The following ERO1B variants were observed in gnomAD, a reference collection of about 807,000 sequenced individuals.
ERO1B encodes the protein ERO1-like protein beta.
Under a neutral mutation model 75.3 loss-of-function variants are expected in ERO1B, and 49 were observed. The observed-to-expected ratio is 0.65, with a 90% CI of 0.52 to 0.83. ERO1B has a LOEUF of 0.83. Among genes scored for constraint, ERO1B ranks in the 40% least tolerant of loss-of-function variants. The probability of loss-of-function intolerance (pLI) is 0.00; values close to 1 mark genes in which losing one functional copy is unlikely to be tolerated. For synonymous variants in ERO1B, 191 were observed against 192.9 expected (o/e 0.99, Z 0.08); for missense variants, 512 against 560.1 (o/e 0.91, Z 0.87).
rs146231818 is a variant in ERO1B, at chr1:236,232,566, T to C, written c.685+262A>G. On this transcript the variant is annotated intron_variant, in intron 9 of 15. Transcript: ENST00000354619. ...CCTCAGGACATATTCAAGTAAATTA[T>C]ATAATAACCAGAAAATGGGGAACTT... is the stretch of plus-strand genomic sequence containing the variant. Among the ~76,000 whole-genome samples the C allele has an allele frequency of 6.2e-3, 947 of 152,168 alleles. 8 individuals are homozygous for C. Among genetic ancestry groups the C allele is most frequent in the African/African-American group, 0.022 (907 of 41,504 alleles).
At chr1:236,243,523 A>C in intron 5 of ERO1B, 28 bp from the exon 6 acceptor site, 1 of 1,495,672 alleles carries the variant, frequency 6.7e-7, no homozygotes, top group South Asian at 1.2e-5. Flanking sequence ...AAAAAAGAAA[A>C]ATTATTAAAT....
intron 7 of ERO1B, 55 bp downstream of exon 7, chr1:236,236,223 G>A (rs549971609): frequency 1.8e-5 from 29 of 1,606,034 alleles, no homozygotes; most frequent in South Asian, 6.6e-5. Flanking sequence ...CACAGCACCC[G>A]GCCTCTCCCG....
At chr1:236,257,615 A>T (rs1665189204) in intron 2 of ERO1B, among the ~76,000 whole-genome samples, 1 of 151,654 alleles carries the variant, frequency 6.6e-6, no homozygotes, top group Admixed American at 6.6e-5. Flanking sequence ...ACTGAAAGGA[A>T]GATATGTGAT....
intron 2 of ERO1B, among the ~76,000 whole-genome samples, chr1:236,258,819 G>GA (rs1444896453): frequency 2.6e-5 from 4 of 152,160 alleles, no homozygotes; most frequent in African/African-American, 9.7e-5. Flanking sequence ...AACTTGGGAG[G>GA]CGGACGTTGC....
intron 8 of ERO1B, among the ~76,000 whole-genome samples, chr1:236,234,400 G>A (rs1203967351): frequency 1.3e-5 from 2 of 152,214 alleles, no homozygotes; most frequent in African/African-American, 4.8e-5. Context: ...TGTAGAAAAG[G>A]TCTGGAAGAA....
At chr1:236,230,124 T>C (rs1664367790) in intron 10 of ERO1B, 100 bp downstream of exon 10, 9 of 880,780 alleles carry the variant, frequency 1.0e-5, no homozygotes, top group Non-Finnish European at 1.6e-5. Flanking sequence ...CTGTCAAAAT[T>C]AGTTGACTAG....
intron 2 of ERO1B, among the ~76,000 whole-genome samples, chr1:236,268,310 G>A (rs915554417): frequency 1.3e-5 from 2 of 152,038 alleles, no homozygotes; most frequent in African/African-American, 4.8e-5. Flanking sequence ...CGTGGTGGTG[G>A]GCGCCTGTAA....
At chr1:236,228,873 C>G (rs1664335532) in intron 10 of ERO1B, among the ~76,000 whole-genome samples, 1 of 152,162 alleles carries the variant, frequency 6.6e-6, no homozygotes, top group Admixed American at 6.5e-5. Context: ...AACAGTAAGA[C>G]TGGAAGAATG....
chr1:236,274,140 T>A (rs976854681), intron 1 of ERO1B, among the ~76,000 whole-genome samples: 6 of 152,020 alleles, frequency 3.9e-5, no homozygotes, highest in African/African-American at 1.4e-4. Flanking sequence ...CATGCCACCA[T>A]GCCCAGCTAA....
intron 1 of ERO1B, among the ~76,000 whole-genome samples, chr1:236,277,403 C>T (rs982326285): frequency 1.4e-5 from 2 of 143,986 alleles, no homozygotes; most frequent in Non-Finnish European, 3.0e-5. Flanking sequence ...GACTCTACTC[C>T]AGGAAAAAAA....
chr1:236,277,347 T>C (rs1161712231), intron 1 of ERO1B, among the ~76,000 whole-genome samples: 2 of 148,148 alleles, frequency 1.3e-5, no homozygotes, highest in Non-Finnish European at 3.0e-5. Context: ...GAGGTTGCAG[T>C]GAACTGAGAT....
At chr1:236,268,682 C>A (rs552892169) in intron 2 of ERO1B, among the ~76,000 whole-genome samples, 65 of 150,854 alleles carry the variant, frequency 4.3e-4, no homozygotes, top group African/African-American at 1.5e-3. Context: ...GTCAGGAGAT[C>A]AAGACCATCC....
At chr1:236,249,848 G>A (rs1435464830) in intron 5 of ERO1B, 37 bp downstream of exon 5, 1 of 1,412,724 alleles carries the variant, frequency 7.1e-7, no homozygotes, top group Non-Finnish European at 9.7e-7. Context: ...TGATATCAAT[G>A]AGAATATTTT....
At chr1:236,229,103 T>C (rs939064511) in intron 10 of ERO1B, among the ~76,000 whole-genome samples, 7 of 152,186 alleles carry the variant, frequency 4.6e-5, no homozygotes, top group African/African-American at 1.7e-4. Flanking sequence ...ACCTTAATAA[T>C]GGCCAACATA....
At chr1:236,220,763 A>G in intron 15 of ERO1B, 69 bp downstream of exon 15, 2 of 1,424,126 alleles carry the variant, frequency 1.4e-6, no homozygotes, top group South Asian at 3.6e-5. Context: ...TTTAGCAAAG[A>G]AGATTATCTT....
At chr1:236,276,879 T>C (rs931814538) in intron 1 of ERO1B, among the ~76,000 whole-genome samples, 12 of 152,150 alleles carry the variant, frequency 7.9e-5, no homozygotes, top group African/African-American at 2.4e-4. Context: ...TAATCCCCAG[T>C]GTTGGGGAGG....
At chr1:236,243,291 T>C (rs1664758528) in intron 6 of ERO1B, 131 bp downstream of exon 6, 1 of 558,578 alleles carries the variant, frequency 1.8e-6, no homozygotes, top group African/African-American at 2.0e-5. Context: ...TAAATGCCAT[T>C]ATGAATAATA....
chr1:236,263,206 C>T (rs1045402157), intron 2 of ERO1B, among the ~76,000 whole-genome samples: 3 of 152,008 alleles, frequency 2.0e-5, no homozygotes, highest in Admixed American at 6.6e-5. Flanking sequence ...CCTGTGACAA[C>T]TTGTCTAGCT....
Position 236,216,189 on chromosome 1 carries a change from G to A in ERO1B, c.*2327C>T, listed in dbSNP as rs1182992827. The A allele has an allele frequency of 6.6e-6, 1 of 152,060 alleles. No homozygotes were observed. Among genetic ancestry groups the A allele is most frequent in the Non-Finnish European group, 1.5e-5 (1 of 67,988 alleles). The allele number at this position is 152,060 out of a possible 1,614,324, so 9.4% of individuals were successfully genotyped here. On this transcript the variant is annotated 3_prime_UTR_variant, in exon 16 of 16. Coordinates refer to ENST00000354619, the MANE Select transcript of ERO1B (RefSeq NM_019891.4). ...TTCATTTTCATTACTTCATCAGTGG[G>A]TACAATCATTTCTGTCAGTTATATT...
Sources: allele counts gnomAD v4.1 joint callset (sites outside exome capture counted in the v4.1 genomes callset), GRCh38; gene constraint gnomAD v4.1.1; transcripts MANE v1.5; gene names NCBI Gene and HGNC (gene_info 2026-07-23, HGNC 2026-07-21).